The following OR2J2 variants were observed in gnomAD, a reference collection of about 807,000 sequenced individuals.
The protein encoded by OR2J2 is olfactory receptor family 2 subfamily J member 2.
In OR2J2, 13 loss-of-function variants were observed where a neutral mutation model predicts 16.9. That is an observed-to-expected ratio of 0.77 (90% CI 0.50 to 1.23). OR2J2 has a LOEUF of 1.23. Among genes scored for constraint, OR2J2 ranks in the 50% most tolerant of loss-of-function variants. OR2J2 has a pLI of 0.00. For missense variants in OR2J2, 341 were observed against 379.1 expected, an observed-to-expected ratio of 0.90 and a Z score of 0.84; for synonymous variants, 125 against 141.2, an observed-to-expected ratio of 0.89 and a Z score of 0.81.
At chr6:29,173,560 G>T in intron 1 of OR2J2, 59 bp from the exon 2 acceptor site, 1 of 1,116,782 alleles carries the variant, frequency 9.0e-7, no homozygotes, top group Non-Finnish European at 1.3e-6. Context: ...CAATCTGTTT[G>T]CAAGTGAGCG....
At position 29,174,226 on chromosome 6, in the gene OR2J2, G is replaced by C. The variant is rs754261740; in HGVS notation, c.591G>C (p.Glu197Asp). The stretch of plus-strand genomic sequence containing the variant: ...CATGTGTTGACACCCATGCAAATGA[G>C]CTGACCCTCATGGTCATGAGCTCCA... Reference protein sequence around the residue: ...RLSCVDTHANELTLMVMSSIF... With the variant: ...RLSCVDTHANDLTLMVMSSIF... Residue 197 changes from glutamate to aspartate, a missense_variant, in exon 2 of 2, where the codon GAG becomes GAC. Physicochemically the swap from Glu to Asp is conservative, Grantham distance 45. Transcript: ENST00000641417. 26 of 1,613,690 alleles carry C rather than the reference G, an allele frequency of 1.6e-5. No homozygotes were observed. In the South Asian group the frequency reaches 2.4e-4, roughly 15 times the overall value.
At position 29,173,921 on chromosome 6, in the gene OR2J2, G is replaced by T; in HGVS notation, c.286G>T (p.Ala96Ser). The change falls in exon 2 of 2, where the codon GCT becomes TCT. Residue 96 changes from alanine to serine, a missense_variant. Coordinates refer to ENST00000641417, the MANE Select transcript of OR2J2 (RefSeq NM_030905.3). ...GGGCCCGGAAAAGACCATCTCGTAT[G>T]CTGGTTGCATGGTTCAACTTTACTT... The part of the protein sequence containing the change: ...LRGPEKTISY[A>S]GCMVQLYFVL... 1 of 1,611,142 alleles carries T rather than the reference G, an allele frequency of 6.2e-7. No individual in the cohort carries two copies. The highest frequency in any genetic ancestry group is 8.5e-7 in the Non-Finnish European group (1 of 1,179,278).
rs1267526613 is a variant in OR2J2 at position 29,174,864 on chromosome 6, GATTATTTCAAAA to G, written c.*293_*304del. 6.2e-6 allele frequency: 2 copies of G among 321,190 alleles called. No individual in the cohort carries two copies. Among genetic ancestry groups the G allele is most frequent in the African/African-American group, 4.3e-5 (2 of 46,698 alleles). The allele number at this position is 321,190 out of a possible 1,614,324, so 19.9% of individuals were successfully genotyped here. A position where few individuals can be genotyped will look rare whatever the true frequency, so the allele number is the denominator to read the frequency against. ...ATGTGCATGCGAATAGTTATGAGGA[GATTATTTCAAAA>G]ATGTTGGGAATATTTCTAACAATGT... On this transcript the variant is annotated 3_prime_UTR_variant, in exon 2 of 2. Coordinates refer to ENST00000641417, the MANE Select transcript of OR2J2 (RefSeq NM_030905.3).
Position 29,174,363 on chromosome 6 carries a change from G to A in OR2J2, c.728G>A (p.Gly243Glu), listed in dbSNP as rs777093037. 3 of 1,613,870 alleles carry A rather than the reference G, an allele frequency of 1.9e-6. No individual in the cohort carries two copies. In the South Asian group the frequency reaches 3.3e-5, roughly 18 times the overall value. Residue 243 changes from glycine to glutamate, a missense_variant, in exon 2 of 2, where the codon GGA (glycine) becomes GAA (glutamate). Physicochemically the swap from Gly to Glu is moderately conservative, Grantham distance 98. Coordinates refer to ENST00000641417, the MANE Select transcript of OR2J2 (RefSeq NM_030905.3). ...TGLQKVFRTC[G>E]AHLMVVSLFF... ...CTTCAGAAAGTGTTTAGGACATGTG[G>A]AGCCCATCTTATGGTTGTATCTCTC...
Position 29,174,382 on chromosome 6 carries a change from A to G in OR2J2, c.747A>G (p.Val249=). ...FRTCGAHLMV[V]SLFFIPVMCM... Reference sequence around the variant, plus strand: ...CATGTGGAGCCCATCTTATGGTTGTATCTCTCTTTTTCATTCCAGTCATGT... The same window carrying G: ...CATGTGGAGCCCATCTTATGGTTGTGTCTCTCTTTTTCATTCCAGTCATGT... Residue 249 remains valine, a synonymous_variant, in exon 2 of 2, where the codon GTA becomes GTG. Coordinates refer to ENST00000641417, the MANE Select transcript of OR2J2 (RefSeq NM_030905.3). 6.2e-7 allele frequency: 1 copy of G among 1,613,888 alleles called. No individual in the cohort carries two copies. Among genetic ancestry groups the G allele is most frequent in the Non-Finnish European group, 8.5e-7 (1 of 1,179,966 alleles).
In OR2J2 at chr6:29,174,124, T is replaced by C. The variant is rs1251564637; in HGVS notation, c.489T>C (p.Phe163=). The C allele has an allele frequency of 1.2e-6, 2 of 1,613,788 alleles. No individual in the cohort carries two copies. Among genetic ancestry groups the C allele is most frequent in the Non-Finnish European group, 1.7e-6 (2 of 1,179,976 alleles). ...CTATCTCAGCACTTCATTCCTCCTTTACTTTCTGGGTACCCCTTTGTGGAC... is the reference window on the plus strand; with the variant it reads ...CTATCTCAGCACTTCATTCCTCCTTCACTTTCTGGGTACCCCTTTGTGGAC... ...GFTISALHSS[F]TFWVPLCGHR... Residue 163 remains phenylalanine, a synonymous_variant, in exon 2 of 2, where the codon TTT becomes TTC. Transcript: ENST00000641417.
At position 29,174,324 on chromosome 6, in the gene OR2J2, A is replaced by G; in HGVS notation, c.689A>G (p.Gln230Arg). 6.2e-7 allele frequency: 1 copy of G among 1,613,824 alleles called. No homozygotes were observed. Among genetic ancestry groups the G allele is most frequent in the Non-Finnish European group, 8.5e-7 (1 of 1,179,944 alleles). ...ATTGCCCGGGCTGTACTGAGCATGC[A>G]ATCAACCACTGGGCTTCAGAAAGTG... ...GAIARAVLSM[Q>R]STTGLQKVFR... The change falls in exon 2 of 2, where the codon CAA becomes CGA. Residue 230 changes from glutamine to arginine, a missense_variant. Physicochemically the swap from Gln to Arg is conservative, Grantham distance 43. Coordinates refer to ENST00000641417, the MANE Select transcript of OR2J2 (RefSeq NM_030905.3).
chr6:29,174,171 T>C lies in OR2J2; in HGVS notation c.536T>C (p.Phe179Ser), dbSNP rs1399840429. Residue 179 changes from phenylalanine to serine, a missense_variant, in exon 2 of 2, where the codon TTC (phenylalanine) becomes TCC (serine). Coordinates refer to ENST00000641417, the MANE Select transcript of OR2J2 (RefSeq NM_030905.3). ...LCGHRLVDHFFCEVPALLRLS... is the reference protein window; with the variant it reads ...LCGHRLVDHFSCEVPALLRLS... ...GGACATCGCCTAGTGGATCACTTCT[T>C]CTGTGAAGTTCCAGCACTTCTGCGT... 4.3e-6 allele frequency: 7 copies of C among 1,613,688 alleles called. No homozygotes were observed. Among genetic ancestry groups the C allele is most frequent in the Non-Finnish European group, 5.9e-6 (7 of 1,179,966 alleles).
Position 29,173,587 on chromosome 6 carries a change from C to T in OR2J2, c.-17-32C>T, listed in dbSNP as rs373372174. On this transcript the variant is annotated intron_variant, in intron 1 of 1. Coordinates refer to ENST00000641417, the MANE Select transcript of OR2J2 (RefSeq NM_030905.3). ...AAGTGAGCGGTTGACAATGCATGGA[C>T]AGACTTTGAGTTTATGTGGTTCTTT... 4.8e-4 allele frequency: 682 copies of T among 1,430,900 alleles called. 12 individuals are homozygous for T. The South Asian group carries it at 7.7e-3, about 16-fold the overall frequency. 88.6% of individuals were successfully genotyped at this position (1,430,900 alleles called of 1,614,324 possible). A position where few individuals can be genotyped will look rare whatever the true frequency, so the allele number is the denominator to read the frequency against.
chr6:29,173,469 A>G (rs530829408), intron 1 of OR2J2, 150 bp from the exon 2 acceptor site: 137 of 552,346 alleles, frequency 2.5e-4, no homozygotes, highest in African/African-American at 2.4e-3. Flanking sequence ...AAATATCTCA[A>G]TGAAGCATAT....
chr6:29,172,064 G>GT (rs1765521170), intron 1 of OR2J2, among the ~76,000 whole-genome samples: 1 of 152,064 alleles, frequency 6.6e-6, no homozygotes, highest in Non-Finnish European at 1.5e-5. Context: ...GTAGATATTA[G>GT]TTTTTTGAGA....
rs1330982633 is a variant in OR2J2 at position 29,174,360 on chromosome 6, G to A, written c.725G>A (p.Cys242Tyr). Residue 242 changes from cysteine to tyrosine, a missense_variant, in exon 2 of 2, where the codon TGT becomes TAT. Cys to Tyr is a radical substitution (Grantham distance 194). Coordinates refer to ENST00000641417, the MANE Select transcript of OR2J2 (RefSeq NM_030905.3). ...TTGLQKVFRT[C>Y]GAHLMVVSLF... ...GGGCTTCAGAAAGTGTTTAGGACAT[G>A]TGGAGCCCATCTTATGGTTGTATCT... The A allele has an allele frequency of 3.1e-6, 5 of 1,613,814 alleles. No individual in the cohort carries two copies. In the Admixed American group the frequency reaches 5.0e-5, roughly 16 times the overall value.
chr6:29,174,224 G>A lies in OR2J2; in HGVS notation c.589G>A (p.Glu197Lys). The A allele has an allele frequency of 1.2e-6, 2 of 1,613,696 alleles. No individual in the cohort carries two copies. Among genetic ancestry groups the A allele is most frequent in the Non-Finnish European group, 1.7e-6 (2 of 1,179,918 alleles). ...RLSCVDTHAN[E>K]LTLMVMSSIF... ...ATCATGTGTTGACACCCATGCAAAT[G>A]AGCTGACCCTCATGGTCATGAGCTC... is the stretch of plus-strand genomic sequence containing the variant. The change falls in exon 2 of 2, where the codon GAG becomes AAG. Residue 197 changes from glutamate to lysine, a missense_variant. Physicochemically the swap from Glu to Lys is moderately conservative, Grantham distance 56 (BLOSUM62 1). Coordinates refer to ENST00000641417, the MANE Select transcript of OR2J2 (RefSeq NM_030905.3).
At position 29,173,232 on chromosome 6, in the gene OR2J2, G is replaced by A. The variant is rs114853162; in HGVS notation, c.-17-387G>A. 1,619 of 162,704 alleles carry A rather than the reference G, an allele frequency of 1.0e-2. 24 individuals are homozygous for A. Among genetic ancestry groups the A allele is most frequent in the African/African-American group, 0.034 (1,422 of 41,942 alleles). 10.1% of individuals were successfully genotyped at this position (162,704 alleles called of 1,614,324 possible). On this transcript the variant is annotated intron_variant, in intron 1 of 1. Coordinates refer to ENST00000641417, the MANE Select transcript of OR2J2 (RefSeq NM_030905.3). ...TAATATGGGAAATTCCTATCTATAAGTAAGATCAGTAAGACTGCTGTTATT... is the reference window on the plus strand; with the variant it reads ...TAATATGGGAAATTCCTATCTATAAATAAGATCAGTAAGACTGCTGTTATT...
rs1582020638 is a variant in OR2J2 at position 29,174,334 on chromosome 6, T to C, written c.699T>C (p.Thr233=). ...CTGTACTGAGCATGCAATCAACCAC[T>C]GGGCTTCAGAAAGTGTTTAGGACAT... ...ARAVLSMQST[T]GLQKVFRTCG... Residue 233 remains threonine (T), a synonymous_variant, in exon 2 of 2, where the codon ACT becomes ACC. Transcript: ENST00000641417. 4.3e-6 allele frequency: 7 copies of C among 1,613,942 alleles called. No individual in the cohort carries two copies. Among genetic ancestry groups the C allele is most frequent in the East Asian group, 2.2e-5 (1 of 44,834 alleles).
chr6:29,172,986 A>G (rs1384508151), intron 1 of OR2J2, among the ~76,000 whole-genome samples: 1 of 152,102 alleles, frequency 6.6e-6, no homozygotes, highest in East Asian at 1.9e-4. Context: ...GAAGCATTCT[A>G]TCACCGATCA....
chr6:29,171,695 T>A (rs1243815605), intron 1 of OR2J2, among the ~76,000 whole-genome samples: 1 of 152,064 alleles, frequency 6.6e-6, no homozygotes, highest in Non-Finnish European at 1.5e-5. Flanking sequence ...AATAAGGAAC[T>A]CAGGCAGCTG....
At position 29,174,500 on chromosome 6, in the gene OR2J2, C is replaced by G. The variant is rs1371037640; in HGVS notation, c.865C>G (p.Leu289Val). Residue 289 changes from leucine (L) to valine (V), a missense_variant, in exon 2 of 2, where the codon CTA becomes GTA. Leu to Val is a conservative substitution (Grantham distance 32). Transcript: ENST00000641417. The part of the protein sequence containing the change: ...YTVVTPSLNP[L>V]IYTLRNKHVK... Reference sequence around the variant, plus strand: ...TGTTGTCACACCGAGTCTTAATCCTCTAATCTACACTCTCAGAAACAAGCA... The same window carrying G: ...TGTTGTCACACCGAGTCTTAATCCTGTAATCTACACTCTCAGAAACAAGCA... 1.9e-6 allele frequency: 3 copies of G among 1,613,554 alleles called. No individual in the cohort carries two copies. The highest frequency in any genetic ancestry group is 2.5e-6 in the Non-Finnish European group (3 of 1,179,880).
At position 29,174,645 on chromosome 6, in the gene OR2J2, G is replaced by A. The variant is rs546798557; in HGVS notation, c.*71G>A. 2.5e-5 allele frequency: 30 copies of A among 1,215,272 alleles called. No individual in the cohort carries two copies. The East Asian group carries it at 4.5e-4, about 18-fold the overall frequency. 75.3% of individuals were successfully genotyped at this position (1,215,272 alleles called of 1,614,324 possible). On this transcript the variant is annotated 3_prime_UTR_variant, in exon 2 of 2. Coordinates refer to ENST00000641417, the MANE Select transcript of OR2J2 (RefSeq NM_030905.3). ...AGCCATCTTGAAAGGTGGTTTCCCT[G>A]CTTCTTTGTGATTTATTTTTGTTCT...
Sources: gnomAD v4.1 joint callset for allele counts (sites outside exome capture counted in the v4.1 genomes callset) on GRCh38, gnomAD v4.1.1 for gene constraint, MANE v1.5 for transcripts, NCBI Gene and HGNC (gene_info 2026-07-23, HGNC 2026-07-21) for gene names.